The following PRAC2 variants were observed in gnomAD, a reference collection of about 807,000 sequenced individuals.
PRAC2 encodes PRAC2 small nuclear protein.
For missense variants in PRAC2, 92 were observed against 114.5 expected, an observed-to-expected ratio of 0.80 and a Z score of 0.90; for synonymous variants, 43 against 49.5, an observed-to-expected ratio of 0.87 and a Z score of 0.55.
chr17:48,722,436 T>C (rs755099370), upstream of PRAC2: 9 of 1,562,944 alleles, frequency 5.8e-6, no homozygotes, highest in South Asian at 4.4e-5. Flanking sequence ...CCAGCTTGCC[T>C]GACCTTGCAA....
intron 1 of PRAC2, chr17:48,723,850 A>AC (rs1314497617): frequency 2.7e-6 from 3 of 1,110,698 alleles, no homozygotes; most frequent in Non-Finnish European, 3.4e-6. Context: ...TTGGAGTTAG[A>AC]AATTATTTCG....
upstream of PRAC2, chr17:48,721,858 A>C: frequency 5.2e-6 from 8 of 1,540,780 alleles, no homozygotes; most frequent in Non-Finnish European, 7.0e-6. Context: ...CTGAGCCATC[A>C]CTCCTGGTCT....
upstream of PRAC2, chr17:48,721,966 T>C (rs1473590118): frequency 1.4e-6 from 2 of 1,423,512 alleles, no homozygotes; most frequent in African/African-American, 1.4e-5. Flanking sequence ...ATTTTGCTTA[T>C]GCCAGGACTC....
In PRAC2 at chr17:48,724,610, A is replaced by G. The variant is rs1332069205; in HGVS notation, c.200A>G (p.Glu67Gly). The change falls in exon 2 of 2, where the codon GAG becomes GGG. Residue 67 changes from glutamate to glycine, a missense_variant. By Grantham distance (98) the Glu-to-Gly change is moderately conservative (BLOSUM62 -2). Transcript: ENST00000422730. ...LDPHTQLSTH[E>G]APGRWKPVAP... ...CCCCACACGCAGCTCAGTACCCACG[A>G]GGCCCCAGGCCGCTGGAAGCCTGTA... is the stretch of plus-strand genomic sequence containing the variant. 4 of 1,232,040 alleles carry G rather than the reference A, an allele frequency of 3.2e-6. No individual in the cohort carries two copies. The highest frequency in any genetic ancestry group is 4.0e-6 in the Non-Finnish European group (4 of 987,992). The allele number at this position is 1,232,040 out of a possible 1,614,324, so 76.3% of individuals were successfully genotyped here.
At chr17:48,719,412 G>A (rs531116603), upstream of PRAC2, among the ~76,000 whole-genome samples, 86 of 152,212 alleles carry the variant, frequency 5.7e-4, no homozygotes, top group African/African-American at 2.0e-3. Flanking sequence ...TAAGTTTCCA[G>A]GTCCTGGGAA....
At chr17:48,719,061 T>G (rs989594183), upstream of PRAC2, among the ~76,000 whole-genome samples, 4 of 151,894 alleles carry the variant, frequency 2.6e-5, no homozygotes, top group African/African-American at 9.7e-5. Flanking sequence ...CCAGACGGAG[T>G]GGCCCCTGCG....
chr17:48,722,500 T>C (rs952188985), upstream of PRAC2: 2 of 921,176 alleles, frequency 2.2e-6, no homozygotes, highest in African/African-American at 3.2e-5. Context: ...TTTGCACGCC[T>C]TAGGCTAGGA....
upstream of PRAC2, chr17:48,721,930 AAAT>A (rs1488456336): frequency 5.4e-6 from 8 of 1,486,626 alleles, no homozygotes; most frequent in Non-Finnish European, 2.7e-6. Context: ...TACAAATTTT[AAAT>A]AATAATAACG....
At chr17:48,720,920 G>A (rs2038138896), upstream of PRAC2, among the ~76,000 whole-genome samples, 1 of 152,128 alleles carries the variant, frequency 6.6e-6, no homozygotes. Context: ...TTTTTCAGTT[G>A]GTGGTAGAGG....
rs948343441 is a variant in PRAC2 at position 48,724,359 on chromosome 17, G to A, written c.-52G>A. On this transcript the variant is annotated 5_prime_UTR_variant, in exon 2 of 2. It adds an upstream start codon to the 5' untranslated region. Coordinates refer to ENST00000422730, the MANE Select transcript of PRAC2 (RefSeq NM_001282275.2). ...TACAAGTAAATCCGAAAAAAAGTGT[G>A]TGTGGGGGGGTCCACACCACTAATT... 3.6e-5 allele frequency: 45 copies of A among 1,234,044 alleles called. No homozygotes were observed. Among genetic ancestry groups the A allele is most frequent in the African/African-American group, 6.2e-5 (4 of 64,342 alleles). The allele number at this position is 1,234,044 out of a possible 1,614,324, so 76.4% of individuals were successfully genotyped here.
chr17:48,720,929 G>A (rs970991270), upstream of PRAC2, among the ~76,000 whole-genome samples: 1 of 152,096 alleles, frequency 6.6e-6, no homozygotes, highest in Non-Finnish European at 1.5e-5. Context: ...TGGTGGTAGA[G>A]GTTAAGCGCT....
upstream of PRAC2, chr17:48,721,603 C>A: frequency 9.2e-6 from 4 of 432,734 alleles, no homozygotes; most frequent in Non-Finnish European, 1.6e-5. Flanking sequence ...GGGATTACAG[C>A]CATGAGCCAC....
Position 48,724,324 on chromosome 17 carries a change from A to G in PRAC2, c.-83-4A>G. The G allele has an allele frequency of 8.1e-7, 1 of 1,229,666 alleles. No individual in the cohort carries two copies. Among genetic ancestry groups the G allele is most frequent in the Non-Finnish European group, 1.0e-6 (1 of 983,936 alleles). The allele number at this position is 1,229,666 out of a possible 1,614,324, so 76.2% of individuals were successfully genotyped here. ...CAAAACGAAATTAAATATTTTTTGC[A>G]CAGGTTCCATACAAGTAAATCCGAA... On this transcript the variant is annotated splice_region_variant and splice_polypyrimidine_tract_variant and intron_variant, in intron 1 of 1. Coordinates refer to ENST00000422730, the MANE Select transcript of PRAC2 (RefSeq NM_001282275.2).
chr17:48,723,469 G>C (rs2038168240), intron 1 of PRAC2, among the ~76,000 whole-genome samples, 156 bp downstream of exon 1: 1 of 152,158 alleles, frequency 6.6e-6, no homozygotes, highest in South Asian at 2.1e-4. Context: ...AGGGGGGGAG[G>C]GGAGCTGCAG....
chr17:48,721,112 T>C (rs1597927832), upstream of PRAC2, among the ~76,000 whole-genome samples: 1 of 152,256 alleles, frequency 6.6e-6, no homozygotes, highest in Middle Eastern at 3.4e-3. Context: ...TGTGGATTAC[T>C]GTGCCCACCC....
upstream of PRAC2, chr17:48,722,383 C>A: frequency 2.5e-6 from 4 of 1,614,124 alleles, no homozygotes; most frequent in Admixed American, 5.0e-5. Context: ...GAGAAATGGG[C>A]GCACAACATC....
At chr17:48,722,887 C>T (rs745443348), upstream of PRAC2, among the ~76,000 whole-genome samples, 27 of 152,130 alleles carry the variant, frequency 1.8e-4, no homozygotes, top group Non-Finnish European at 3.5e-4. Flanking sequence ...CCAGGCTGGG[C>T]GCCAGCATTA....
At chr17:48,721,274 G>C (rs900373093), upstream of PRAC2, among the ~76,000 whole-genome samples, 10 of 152,170 alleles carry the variant, frequency 6.6e-5, no homozygotes, top group African/African-American at 2.4e-4. Context: ...TTCTGAGAGG[G>C]TGCAGGAAAG....
chr17:48,723,750 G>T, intron 1 of PRAC2: 1 of 1,231,780 alleles, frequency 8.1e-7, no homozygotes, highest in Non-Finnish European at 1.0e-6. Flanking sequence ...CTGGAACCGA[G>T]ATTCAAAAAG....
Sources: allele counts gnomAD v4.1 joint callset (sites outside exome capture counted in the v4.1 genomes callset), GRCh38; gene constraint gnomAD v4.1.1; transcripts MANE v1.5; gene names NCBI Gene and HGNC (gene_info 2026-07-23, HGNC 2026-07-21).